The following ESYT2 variants were observed in gnomAD, a reference collection of about 807,000 sequenced individuals.
ESYT2 encodes extended synaptotagmin-2.
A neutral mutation model predicts 107.2 loss-of-function variants in ESYT2; 54 were observed. That is an observed-to-expected ratio of 0.50 (90% CI 0.40 to 0.63). The LOEUF (loss-of-function observed/expected upper bound fraction) is 0.63. ESYT2 is among the 30% of genes least tolerant of loss of function. ESYT2 has a pLI of 0.00. For missense variants in ESYT2, 1,020 were observed against 1,094.5 expected (o/e 0.93, Z 0.96); for synonymous variants, 491 against 434.1 (o/e 1.13, Z -1.63).
chr7:158,747,414 C>A (rs984284103), intron 16 of ESYT2, among the ~76,000 whole-genome samples: 4 of 150,502 alleles, frequency 2.7e-5, no homozygotes, highest in Non-Finnish European at 1.5e-5. Flanking sequence ...AGACAAATAA[C>A]CAAATAAAAA....
rs1840153391 is a variant in ESYT2 at position 158,816,546 on chromosome 7, C to A, written c.330+12543G>T. ...GAGCCTCCAGAGTGCACACCCTGCCCACCCCTCAGTTTTAGCCCAGAGGAA... is the reference window on the plus strand; with the variant it reads ...GAGCCTCCAGAGTGCACACCCTGCCAACCCCTCAGTTTTAGCCCAGAGGAA... On this transcript the variant is annotated intron_variant, in intron 1 of 22. Coordinates refer to ENST00000275418, the MANE Select transcript of ESYT2 (RefSeq NM_001367773.1). Among the ~76,000 whole-genome samples, 3 of 152,184 alleles carry A rather than the reference C, an allele frequency of 2.0e-5. No individual in the cohort carries two copies. In the South Asian group the frequency reaches 6.2e-4, roughly 32 times the overall value.
At chr7:158,781,296 G>A (rs202038454) in intron 6 of ESYT2, among the ~76,000 whole-genome samples, 4,447 of 47,778 alleles carry the variant, frequency 0.093, 199 homozygotes, top group African/African-American at 0.18. Flanking sequence ...AACAGTGTGC[G>A]GTGTGTGAGA....
intron 19 of ESYT2, among the ~76,000 whole-genome samples, chr7:158,738,346 C>G (rs374851842): frequency 3.5e-4 from 10 of 28,750 alleles, no homozygotes; most frequent in South Asian, 1.3e-3. Context: ...CACACACAGA[C>G]ACACACACAC....
At chr7:158,742,748 A>G (rs1364112164) in intron 17 of ESYT2, among the ~76,000 whole-genome samples, 2 of 152,226 alleles carry the variant, frequency 1.3e-5, no homozygotes, top group Non-Finnish European at 2.9e-5. Flanking sequence ...TTCTGGTTTT[A>G]GGAAATAACG....
chr7:158,775,360 A>G (rs1323259573), intron 6 of ESYT2, among the ~76,000 whole-genome samples: 2 of 137,020 alleles, frequency 1.5e-5, no homozygotes, highest in Non-Finnish European at 3.2e-5. Flanking sequence ...CTGCCTTTCA[A>G]AAAAGATTTC....
chr7:158,829,204 CAGGCGAGCA>C lies in ESYT2; in HGVS notation c.206_214del (p.Leu69_Trp72delinsArg). The C allele has an allele frequency of 6.5e-7, 1 of 1,531,580 alleles. No homozygotes were observed. The highest frequency in any genetic ancestry group is 8.7e-7 in the Non-Finnish European group (1 of 1,146,890). The allele number at this position is 1,531,580 out of a possible 1,614,324, so 94.9% of individuals were successfully genotyped here. The stretch of plus-strand genomic sequence containing the variant: ...CTTGAGGCCGCGGCTGCGGCGACAC[CAGGCGAGCA>C]GCGCGAGCGCGAGGAGAACCCAGCT... On this transcript the variant is annotated inframe_deletion, in exon 1 of 23. Transcript: ENST00000275418.
At chr7:158,825,000 A>T (rs73527604) in intron 1 of ESYT2, among the ~76,000 whole-genome samples, 2,822 of 152,228 alleles carry the variant, frequency 0.019, 91 homozygotes, top group African/African-American at 0.063. Context: ...CTCTCTTTAA[A>T]AAACAAAAAA....
At chr7:158,739,848 G>T (rs976691707) in intron 18 of ESYT2, among the ~76,000 whole-genome samples, 8 of 152,132 alleles carry the variant, frequency 5.3e-5, no homozygotes, top group African/African-American at 1.9e-4. Flanking sequence ...CTGCAGCAGA[G>T]ATCGTTAAGA....
rs532241901 is a variant in ESYT2, at chr7:158,796,829, C to T, written c.507+1113G>A. ...GACAGACAGGAAGGGGCACTGCAGGCGAGAGGGCAACAAGACAGCCTCCCA... is the reference window on the plus strand; with the variant it reads ...GACAGACAGGAAGGGGCACTGCAGGTGAGAGGGCAACAAGACAGCCTCCCA... On this transcript the variant is annotated intron_variant, in intron 3 of 22. Transcript: ENST00000275418. Among the ~76,000 whole-genome samples the T allele has an allele frequency of 8.0e-5, 12 of 150,920 alleles. No homozygotes were observed. The South Asian group carries it at 2.5e-3, about 32-fold the overall frequency.
chr7:158,743,573 T>A lies in ESYT2; in HGVS notation c.1750A>T (p.Asn584Tyr). The A allele has an allele frequency of 6.2e-7, 1 of 1,613,212 alleles. No homozygotes were observed. Among genetic ancestry groups the A allele is most frequent in the Non-Finnish European group, 8.5e-7 (1 of 1,179,712 alleles). ...MTVSQRFQLS[N>Y]SGPNSTIKMK... ...TTGATGGTGCTGTTTGGACCCGAGT[T>A]ACTGAGCTGGAAGCGCTGGCTCACA... is the stretch of plus-strand genomic sequence containing the variant. The change falls in exon 17 of 23, where the codon AAC becomes TAC. Residue 584 changes from asparagine (N) to tyrosine (Y), a missense_variant. By Grantham distance (143) the Asn-to-Tyr change is moderately radical (BLOSUM62 -2). Coordinates refer to ENST00000275418, the MANE Select transcript of ESYT2 (RefSeq NM_001367773.1).
At chr7:158,802,388 G>T (rs1839671624) in intron 1 of ESYT2, among the ~76,000 whole-genome samples, 2 of 152,120 alleles carry the variant, frequency 1.3e-5, no homozygotes, top group Non-Finnish European at 2.9e-5. Flanking sequence ...CCGGGTTCAA[G>T]CAATTCTCCT....
chr7:158,776,091 C>T (rs1838551660), intron 6 of ESYT2, among the ~76,000 whole-genome samples: 2 of 152,116 alleles, frequency 1.3e-5, no homozygotes, highest in South Asian at 4.1e-4. Flanking sequence ...TTTTTCTGAG[C>T]AGCAGGTCTG....
chr7:158,765,856 A>G (rs1435287670), intron 8 of ESYT2, among the ~76,000 whole-genome samples: 2 of 152,300 alleles, frequency 1.3e-5, no homozygotes, highest in East Asian at 3.9e-4. Context: ...AAGATGCTCA[A>G]GTCACCTTTT....
chr7:158,788,375 A>C lies in ESYT2; in HGVS notation c.627T>G (p.Tyr209Ter). Residue 209 changes from tyrosine (Y) to a stop codon, truncating the protein, a stop_gained, in exon 5 of 23, where the codon TAT becomes TAG. Coordinates refer to ENST00000275418, the MANE Select transcript of ESYT2 (RefSeq NM_001367773.1). LOFTEE classifies it high-confidence loss of function. ...NCEIDLEIKRYFCRAGVKSIQ... is the reference protein window; with the variant it reads ...NCEIDLEIKR Reference sequence around the variant, plus strand: ...TACTTTTCACACCAGCTCTACAAAAATATCGTTTGATCTCCAAATCAATCT... The same window carrying C: ...TACTTTTCACACCAGCTCTACAAAACTATCGTTTGATCTCCAAATCAATCT... 6.2e-7 allele frequency: 1 copy of C among 1,611,622 alleles called. No homozygotes were observed. Among genetic ancestry groups the C allele is most frequent in the Non-Finnish European group, 8.5e-7 (1 of 1,179,398 alleles).
chr7:158,791,925 G>A (rs1475034569), intron 4 of ESYT2, among the ~76,000 whole-genome samples: 1 of 151,128 alleles, frequency 6.6e-6, no homozygotes, highest in Non-Finnish European at 1.5e-5. Context: ...CATTAAGGTA[G>A]AATGTTTTTC....
intron 1 of ESYT2, among the ~76,000 whole-genome samples, chr7:158,825,215 C>T (rs915308556): frequency 3.9e-5 from 6 of 152,198 alleles, no homozygotes; most frequent in Non-Finnish European, 7.3e-5. Context: ...GTCGCTTAAA[C>T]CCGGGAGGCA....
Position 158,767,715 on chromosome 7 carries a change from C to T in ESYT2, c.863G>A (p.Arg288Gln), listed in dbSNP as rs377458182. The change falls in exon 8 of 23, where the codon CGA becomes CAA. Residue 288 changes from arginine (R) to glutamine (Q), a missense_variant. Physicochemically the swap from Arg to Gln is conservative, Grantham distance 43. Transcript: ENST00000275418. ...IISNYLVLPN[R>Q]ITVPLVSEVQ... ...TTCACTGACAAGTGGAACGGTGATTCGATTGGGAAGCACCAGATAGTTTGA... is the reference window on the plus strand; with the variant it reads ...TTCACTGACAAGTGGAACGGTGATTTGATTGGGAAGCACCAGATAGTTTGA... The T allele has an allele frequency of 1.2e-6, 2 of 1,612,920 alleles. No individual in the cohort carries two copies. Among genetic ancestry groups the T allele is most frequent in the South Asian group, 1.1e-5 (1 of 90,834 alleles).
chr7:158,772,841 T>C (rs921961887), intron 7 of ESYT2, among the ~76,000 whole-genome samples: 4 of 145,658 alleles, frequency 2.7e-5, no homozygotes, highest in African/African-American at 1.0e-4. Context: ...TCTGGCGAAG[T>C]CCAGAAGTCC....
chr7:158,768,919 GAATT>G (rs1838259672), intron 7 of ESYT2, among the ~76,000 whole-genome samples: 1 of 152,150 alleles, frequency 6.6e-6, no homozygotes, highest in South Asian at 2.1e-4. Flanking sequence ...GTAAACGTGA[GAATT>G]AAATAATGCA....
Sources: gnomAD v4.1 joint callset for allele counts (sites outside exome capture counted in the v4.1 genomes callset) on GRCh38, gnomAD v4.1.1 for gene constraint, MANE v1.5 for transcripts, NCBI Gene and HGNC (gene_info 2026-07-23, HGNC 2026-07-21) for gene names.